Variants in DNAH14 observed in about 807,000 individuals in gnomAD.
DNAH14 encodes dynein axonemal heavy chain 14, also known as axonemal beta dynein heavy chain 14.
DNAH14 carries 478 observed loss-of-function variants against 520.9 expected under a neutral mutation model. That is an observed-to-expected ratio of 0.92 (90% CI 0.85 to 0.99). The LOEUF is 0.99. Ranked by LOEUF, DNAH14 falls within the 50% of genes least tolerant of loss-of-function variation. DNAH14 has a pLI of 0.00. For missense variants in DNAH14, 4,831 were observed against 5,234.5 expected (o/e 0.92, Z 2.38); for synonymous variants, 1,581 against 1,757.2 (o/e 0.90, Z 2.51).
chr1:225,130,861 A>C (rs570509517), intron 27 of DNAH14, among the ~76,000 whole-genome samples: 1 of 152,232 alleles, frequency 6.6e-6, no homozygotes, highest in South Asian at 2.1e-4. Context: ...GAAAAAATGC[A>C]ATATCTGTGA....
intron 29 of DNAH14, among the ~76,000 whole-genome samples, chr1:225,144,917 GTGTA>G (rs1210357868): frequency 6.6e-6 from 1 of 152,056 alleles, no homozygotes; most frequent in Middle Eastern, 3.2e-3. Context: ...GTGTTTGTGT[GTGTA>G]TGTGTGTGTG....
rs759166468 is a variant in DNAH14 at position 225,002,826 on chromosome 1, C to A, written c.874C>A (p.Gln292Lys). ...HHLFLADDLF[Q>K]TCLVYIRGLC... Reference sequence around the variant, plus strand: ...TCTTTTTTTGGCTGATGACTTGTTTCAAACCTGTTTGGTTTATATAAGAGG... The same window carrying A: ...TCTTTTTTTGGCTGATGACTTGTTTAAAACCTGTTTGGTTTATATAAGAGG... The change falls in exon 9 of 86, where the codon CAA (glutamine) becomes AAA (lysine). Residue 292 changes from glutamine to lysine, a missense_variant. Coordinates refer to ENST00000682510, the MANE Select transcript of DNAH14 (RefSeq NM_001367479.1). 6.5e-7 allele frequency: 1 copy of A among 1,549,224 alleles called. No individual in the cohort carries two copies. Among genetic ancestry groups the A allele is most frequent in the South Asian group, 1.2e-5 (1 of 83,774 alleles).
chr1:224,993,781 T>A (rs1182573991), intron 8 of DNAH14, among the ~76,000 whole-genome samples: 2 of 152,076 alleles, frequency 1.3e-5, no homozygotes, highest in African/African-American at 4.8e-5. Flanking sequence ...AGTTGTTTAT[T>A]TGAGATCTTT....
chr1:225,329,521 A>C lies in DNAH14; in HGVS notation c.9724-1916A>C, dbSNP rs537938079. On this transcript the variant is annotated intron_variant, in intron 64 of 85. Coordinates refer to ENST00000682510, the MANE Select transcript of DNAH14 (RefSeq NM_001367479.1). ...ACCAAATGCTTTTGAGCAGGGGTGT[A>C]ATCAAGATAAGTGATAATTTAAGAA... is the stretch of plus-strand genomic sequence containing the variant. 2.0e-5 allele frequency among the ~76,000 whole-genome samples: 3 copies of C among 152,312 alleles called. No individual in the cohort carries two copies. The South Asian group carries it at 6.2e-4, about 32-fold the overall frequency.
chr1:225,224,864 T>C (rs2090391751), intron 41 of DNAH14, among the ~76,000 whole-genome samples: 2 of 152,216 alleles, frequency 1.3e-5, no homozygotes, highest in South Asian at 2.1e-4. Context: ...GTGCTTACTG[T>C]ATTTATTGCA....
chr1:224,964,130 A>C (rs1245212847), intron 4 of DNAH14, among the ~76,000 whole-genome samples: 1 of 152,130 alleles, frequency 6.6e-6, no homozygotes, highest in Non-Finnish European at 1.5e-5. Context: ...TCCATCCCAC[A>C]CTGTCATCCC....
chr1:225,034,183 A>G (rs2066757411), intron 11 of DNAH14, among the ~76,000 whole-genome samples: 1 of 152,070 alleles, frequency 6.6e-6, no homozygotes, highest in African/African-American at 2.4e-5. Context: ...ATTCAGTATA[A>G]TGTTAGCTGT....
rs116600222 is a variant in DNAH14, at chr1:224,986,220, A to G, written c.830+12067A>G. On this transcript the variant is annotated intron_variant, in intron 8 of 85. Transcript: ENST00000682510. ...TTTAAGGAAGAACTATAGCAATCCT[A>G]CTCAAACTATTCTGACAAATAGAGT... Among the ~76,000 whole-genome samples, 764 of 152,012 alleles carry G rather than the reference A, an allele frequency of 5.0e-3. 6 individuals carry two copies. Among genetic ancestry groups the G allele is most frequent in the African/African-American group, 0.017 (721 of 41,496 alleles).
At chr1:225,304,026 C>T (rs1052735653) in intron 57 of DNAH14, among the ~76,000 whole-genome samples, 9 of 152,034 alleles carry the variant, frequency 5.9e-5, no homozygotes, top group Admixed American at 3.9e-4. Flanking sequence ...AAAAAAATGC[C>T]GCTGAGTTAA....
intron 10 of DNAH14, among the ~76,000 whole-genome samples, chr1:225,020,175 G>A (rs2065549989): frequency 6.6e-6 from 1 of 151,548 alleles, no homozygotes; most frequent in Non-Finnish European, 1.5e-5. Context: ...GACAAAGGTG[G>A]CATCATAACT....
Position 225,324,462 on chromosome 1 carries a change from C to T in DNAH14, c.9627+109C>T. On this transcript the variant is annotated intron_variant, in intron 63 of 85. Coordinates refer to ENST00000682510, the MANE Select transcript of DNAH14 (RefSeq NM_001367479.1). ...AAATGAACTTGAGTGGAAAGGATACCTAAGGAGAAACACTTTAATCAAATG... is the reference window on the plus strand; with the variant it reads ...AAATGAACTTGAGTGGAAAGGATACTTAAGGAGAAACACTTTAATCAAATG... The T allele has an allele frequency of 2.2e-6, 3 of 1,370,812 alleles. No individual in the cohort carries two copies. In the South Asian group the frequency reaches 4.4e-5, roughly 20 times the overall value. 84.9% of individuals were successfully genotyped at this position (1,370,812 alleles called of 1,614,324 possible). A position where few individuals can be genotyped will look rare whatever the true frequency, so the allele number is the denominator to read the frequency against.
At position 225,100,717 on chromosome 1, in the gene DNAH14, C is replaced by T. The variant is rs956631412; in HGVS notation, c.3700C>T (p.Leu1234Phe). ...CATCTAATTTTTTTTCTAAAGGCAA[C>T]TCCCAGCAGAAACAGAACTTTTCTC... ...VFHSSEIRRQ[L>F]PAETELFSQV... The change falls in exon 23 of 86, where the codon CTC (leucine) becomes TTC (phenylalanine). Residue 1234 changes from leucine to phenylalanine, a missense_variant. Coordinates refer to ENST00000682510, the MANE Select transcript of DNAH14 (RefSeq NM_001367479.1). 2.6e-5 allele frequency: 39 copies of T among 1,488,820 alleles called. No homozygotes were observed. The highest frequency in any genetic ancestry group is 3.4e-5 in the Non-Finnish European group (38 of 1,124,360). The allele number at this position is 1,488,820 out of a possible 1,614,324, so 92.2% of individuals were successfully genotyped here.
intron 60 of DNAH14, among the ~76,000 whole-genome samples, chr1:225,316,889 G>A (rs1451793559): frequency 1.3e-5 from 2 of 152,078 alleles, no homozygotes; most frequent in Non-Finnish European, 2.9e-5. Context: ...ATATTATAGT[G>A]ATTTTATAAT....
At chr1:225,312,570 T>C (rs927300454) in intron 60 of DNAH14, among the ~76,000 whole-genome samples, 2 of 152,210 alleles carry the variant, frequency 1.3e-5, no homozygotes, top group Non-Finnish European at 2.9e-5. Context: ...GGTATGATAT[T>C]GGCTGTAGGT....
intron 1 of DNAH14, among the ~76,000 whole-genome samples, chr1:224,936,882 G>C (rs1010870764): frequency 1.5e-4 from 23 of 152,044 alleles, no homozygotes; most frequent in Middle Eastern, 3.4e-3. Flanking sequence ...GATCAATTGA[G>C]ATTCTTCCCA....
intron 1 of DNAH14, among the ~76,000 whole-genome samples, chr1:224,941,665 C>A (rs2059428200): frequency 6.6e-6 from 1 of 152,006 alleles, no homozygotes; most frequent in African/African-American, 2.4e-5. Flanking sequence ...GTCTTTAATC[C>A]ATCTTGAATT....
intron 54 of DNAH14, among the ~76,000 whole-genome samples, chr1:225,289,045 G>A (rs1470537446): frequency 6.6e-6 from 1 of 152,096 alleles, no homozygotes; most frequent in African/African-American, 2.4e-5. Flanking sequence ...TAATCAAGAA[G>A]TAGAAACCAT....
In DNAH14 at chr1:225,023,599, G is replaced by GT. The variant is rs1395057785; in HGVS notation, c.1108-10dup. On this transcript the variant is annotated splice_polypyrimidine_tract_variant and intron_variant, in intron 10 of 85. Coordinates refer to ENST00000682510, the MANE Select transcript of DNAH14 (RefSeq NM_001367479.1). ...GAAAATCAATACTTGTTTCTCAATT[G>GT]TTTTTTAAATTGTAGGTTGCAGAAA... 2 of 1,492,410 alleles carry GT rather than the reference G, an allele frequency of 1.3e-6. No homozygotes were observed. Among genetic ancestry groups the GT allele is most frequent in the South Asian group, 1.4e-5 (1 of 73,114 alleles). The allele number at this position is 1,492,410 out of a possible 1,614,324, so 92.4% of individuals were successfully genotyped here.
At chr1:225,111,311 T>G (rs1403334278) in intron 23 of DNAH14, among the ~76,000 whole-genome samples, 1 of 152,122 alleles carries the variant, frequency 6.6e-6, no homozygotes, top group East Asian at 1.9e-4. Flanking sequence ...TGGGTGCATT[T>G]ATATTTATAT....
Sources: allele counts gnomAD v4.1 joint callset (sites outside exome capture counted in the v4.1 genomes callset), GRCh38; gene constraint gnomAD v4.1.1; transcripts MANE v1.5; gene names NCBI Gene and HGNC (gene_info 2026-07-23, HGNC 2026-07-21).